SERTAD2: variants seen among roughly 807,000 people sequenced by gnomAD.
SERTAD2 encodes the protein SERTA domain-containing protein 2.
SERTAD2 carries 2 observed loss-of-function variants against 15.4 expected under a neutral mutation model. That is an observed-to-expected ratio of 0.13 (90% CI 0.05 to 0.41). The LOEUF is 0.41. Ranked by LOEUF, SERTAD2 falls within the 10% of genes least tolerant of loss-of-function variation. SERTAD2 has a pLI of 0.99. For synonymous variants in SERTAD2, 180 were observed against 178.0 expected (o/e 1.01, Z -0.09); for missense variants, 333 against 409.7 (o/e 0.81, Z 1.62).
chr2:64,644,704 A>G (rs980787099), intron 1 of SERTAD2: 2 of 152,296 alleles, frequency 1.3e-5, no homozygotes, highest in Non-Finnish European at 2.9e-5. Context: ...GCTGCCCTGA[A>G]AAGGTTGCAG....
chr2:64,639,143 A>G (rs752278870), intron 1 of SERTAD2, among the ~76,000 whole-genome samples: 5 of 152,266 alleles, frequency 3.3e-5, no homozygotes, highest in Non-Finnish European at 4.4e-5. Context: ...GATCATGGCA[A>G]CATACTTAAA....
chr2:64,639,131 G>A (rs1476457077), intron 1 of SERTAD2, among the ~76,000 whole-genome samples: 1 of 152,172 alleles, frequency 6.6e-6, no homozygotes, highest in African/African-American at 2.4e-5. Context: ...ATGTTATAAT[G>A]TGATCATGGC....
Position 64,636,008 on chromosome 2 carries a change from A to G in SERTAD2, c.864T>C (p.Ser288=). 6.2e-7 allele frequency: 1 copy of G among 1,614,110 alleles called. No homozygotes were observed. Among genetic ancestry groups the G allele is most frequent in the Non-Finnish European group, 8.5e-7 (1 of 1,180,024 alleles). The change falls in exon 2 of 2, where the codon AGT becomes AGC. Residue 288 remains serine (S), a synonymous_variant. Coordinates refer to ENST00000313349, the MANE Select transcript of SERTAD2 (RefSeq NM_014755.3). The stretch of plus-strand genomic sequence containing the variant: ...AAGGCTGACTTGGGGTGACAGGCTG[A>G]CTGCTGTAAGGAGCCAGAGTTTTGA... ...DLLKTLAPYS[S]QPVTPSQPFK... is the part of the protein sequence containing the mutation.
Position 64,636,043 on chromosome 2 carries a change from C to T in SERTAD2, c.829G>A (p.Asp277Asn), listed in dbSNP as rs1033460708. Residue 277 changes from aspartate (D) to asparagine (N), a missense_variant, in exon 2 of 2, where the codon GAC becomes AAC. This residue lies in a region of SERTAD2 where 332 missense variants were observed against 392.9 expected (regional missense o/e 0.84). Coordinates refer to ENST00000313349, the MANE Select transcript of SERTAD2 (RefSeq NM_014755.3). Reference sequence around the variant, plus strand: ...GGAGCCAGAGTTTTGAGGAGGTCGTCGGCAGACACAGGGGCCATTTTTGAG... The same window carrying T: ...GGAGCCAGAGTTTTGAGGAGGTCGTTGGCAGACACAGGGGCCATTTTTGAG... ...TASKMAPVSA[D>N]DLLKTLAPYS... is the part of the protein sequence containing the mutation. 8 of 1,613,858 alleles carry T rather than the reference C, an allele frequency of 5.0e-6. No homozygotes were observed. Among genetic ancestry groups the T allele is most frequent in the South Asian group, 3.3e-5 (3 of 91,062 alleles).
chr2:64,639,432 G>A (rs931735568), intron 1 of SERTAD2, among the ~76,000 whole-genome samples: 1 of 152,064 alleles, frequency 6.6e-6, no homozygotes, highest in South Asian at 2.1e-4. Context: ...AAAGATTGGG[G>A]GGCCAGGGAA....
chr2:64,650,003 A>G (rs866282048), intron 1 of SERTAD2, among the ~76,000 whole-genome samples: 5 of 152,336 alleles, frequency 3.3e-5, no homozygotes, highest in Admixed American at 1.3e-4. Context: ...GAAAACTGCA[A>G]TGGGTGCGGA....
rs1029102361 is a variant in SERTAD2, at chr2:64,633,937, C to T, written c.*1990G>A. 6.6e-6 allele frequency: 1 copy of T among 152,622 alleles called. No homozygotes were observed. The highest frequency in any genetic ancestry group is 6.5e-5 in the Admixed American group (1 of 15,278). The allele number at this position is 152,622 out of a possible 1,614,324, so 9.5% of individuals were successfully genotyped here. A position where few individuals can be genotyped will look rare whatever the true frequency, so the allele number is the denominator to read the frequency against. The stretch of plus-strand genomic sequence containing the variant: ...TTGCTTAGATGAGCAGTTCCTTCAT[C>T]ACAAACGTCTTTGCTTTGCCATGTG... On this transcript the variant is annotated 3_prime_UTR_variant, in exon 2 of 2. Coordinates refer to ENST00000313349, the MANE Select transcript of SERTAD2 (RefSeq NM_014755.3).
At position 64,636,773 on chromosome 2, in the gene SERTAD2, G is replaced by A. The variant is rs1489785305; in HGVS notation, c.99C>T (p.Tyr33=). ...TGAAGATAGTCTGGCGCTGTAAGGT[G>A]TAAGACACCTTGGATGGACCGTCAC... ...SPCDGPSKVS[Y]TLQRQTIFNI... is the part of the protein sequence containing the mutation. Residue 33 remains tyrosine, a synonymous_variant, in exon 2 of 2, where the codon TAC becomes TAT. Transcript: ENST00000313349. The A allele has an allele frequency of 1.9e-6, 3 of 1,614,084 alleles. No homozygotes were observed. The highest frequency in any genetic ancestry group is 1.6e-4 in the Middle Eastern group (1 of 6,084).
intron 1 of SERTAD2, among the ~76,000 whole-genome samples, chr2:64,643,677 G>A (rs968700636): frequency 3.3e-5 from 5 of 152,178 alleles, no homozygotes; most frequent in African/African-American, 1.2e-4. Context: ...GACCACCCTG[G>A]CTAACACGGT....
At chr2:64,642,717 G>A (rs998183000) in intron 1 of SERTAD2, among the ~76,000 whole-genome samples, 1 of 152,296 alleles carries the variant, frequency 6.6e-6, no homozygotes, top group African/African-American at 2.4e-5. Context: ...GACAGACCCT[G>A]GGTTGGGGGG....
intron 1 of SERTAD2, among the ~76,000 whole-genome samples, chr2:64,637,104 A>C (rs977655699): frequency 1.3e-5 from 2 of 152,228 alleles, no homozygotes; most frequent in Admixed American, 1.3e-4. Context: ...ATCACTAGGT[A>C]GTCTGGTGAG....
Position 64,636,031 on chromosome 2 carries a change from TGAG to T in SERTAD2, c.838_840del (p.Leu280del). The T allele has an allele frequency of 6.2e-7, 1 of 1,614,068 alleles. No homozygotes were observed. Among genetic ancestry groups the T allele is most frequent in the Non-Finnish European group, 8.5e-7 (1 of 1,180,000 alleles). On this transcript the variant is annotated inframe_deletion, in exon 2 of 2. Transcript: ENST00000313349. The stretch of plus-strand genomic sequence containing the variant: ...TGACTGCTGTAAGGAGCCAGAGTTT[TGAG>T]GAGGTCGTCGGCAGACACAGGGGCC...
rs539860735 is a variant in SERTAD2, at chr2:64,648,126, AACATG to A, written c.-5+5489_-5+5493del. On this transcript the variant is annotated intron_variant, in intron 1 of 1. Coordinates refer to ENST00000313349, the MANE Select transcript of SERTAD2 (RefSeq NM_014755.3). ...CTAGAGAACAATATCACATTTCTACAACATGACATGAGTACAAAAATTTGAGGTGC... is the reference window on the plus strand; with the variant it reads ...CTAGAGAACAATATCACATTTCTACAACATGAGTACAAAAATTTGAGGTGC... 3.0e-3 allele frequency among the ~76,000 whole-genome samples: 462 copies of A among 152,358 alleles called. 2 individuals are homozygous for A. The highest frequency in any genetic ancestry group is 0.01 in the African/African-American group (435 of 41,584).
intron 1 of SERTAD2, among the ~76,000 whole-genome samples, chr2:64,641,285 G>A (rs1333928132): frequency 1.3e-5 from 2 of 152,198 alleles, no homozygotes; most frequent in Non-Finnish European, 2.9e-5. Flanking sequence ...AGGACCAGGA[G>A]CCTGAATGAC....
Position 64,631,894 on chromosome 2 carries a change from G to T in SERTAD2, c.*4033C>A, listed in dbSNP as rs924109265. On this transcript the variant is annotated 3_prime_UTR_variant, in exon 2 of 2. Coordinates refer to ENST00000313349, the MANE Select transcript of SERTAD2 (RefSeq NM_014755.3). The stretch of plus-strand genomic sequence containing the variant: ...ATGTACATCTTTTTTCAAAATCTCG[G>T]TCATGCGCACATATGGCCTGCATTT... 6.6e-6 allele frequency: 1 copy of T among 152,564 alleles called. No homozygotes were observed. The highest frequency in any genetic ancestry group is 1.5e-5 in the Non-Finnish European group (1 of 68,030). 9.5% of individuals were successfully genotyped at this position (152,564 alleles called of 1,614,324 possible).
At chr2:64,641,550 T>C (rs536228209) in intron 1 of SERTAD2, among the ~76,000 whole-genome samples, 1 of 152,312 alleles carries the variant, frequency 6.6e-6, no homozygotes, top group South Asian at 2.1e-4. Flanking sequence ...CAACACAAGA[T>C]GCTCCATAGA....
rs754813050 is a variant in SERTAD2, at chr2:64,633,201, T to C, written c.*2726A>G. On this transcript the variant is annotated 3_prime_UTR_variant, in exon 2 of 2. Coordinates refer to ENST00000313349, the MANE Select transcript of SERTAD2 (RefSeq NM_014755.3). ...TAGATCATTTTGATCTTTCTGAAAA[T>C]GGGCTGCTAATTTTCCATGTCTTTC... 3 of 152,226 alleles carry C rather than the reference T, an allele frequency of 2.0e-5. No individual in the cohort carries two copies. The highest frequency in any genetic ancestry group is 4.4e-5 in the Non-Finnish European group (3 of 68,030). The allele number at this position is 152,226 out of a possible 1,614,324, so 9.4% of individuals were successfully genotyped here.
chr2:64,640,535 G>A (rs950873378), intron 1 of SERTAD2, among the ~76,000 whole-genome samples: 1 of 152,124 alleles, frequency 6.6e-6, no homozygotes, highest in African/African-American at 2.4e-5. Context: ...CTTTGGAGAG[G>A]CAAGGGACCT....
chr2:64,647,326 T>C (rs1046666955), intron 1 of SERTAD2, among the ~76,000 whole-genome samples: 1 of 152,198 alleles, frequency 6.6e-6, no homozygotes, highest in Non-Finnish European at 1.5e-5. Flanking sequence ...TTCATAATAA[T>C]TTGGTGTCAG....
Sources: gnomAD v4.1 joint callset for allele counts (sites outside exome capture counted in the v4.1 genomes callset) on GRCh38, gnomAD v4.1.1 for gene constraint, gnomAD v4.1.1 regional missense constraint, MANE v1.5 for transcripts, NCBI Gene and HGNC (gene_info 2026-07-23, HGNC 2026-07-21) for gene names.